PUDP: variants seen among roughly 807,000 people sequenced by gnomAD.
PUDP encodes the protein pseudouridine-5'-phosphatase.
Under a neutral mutation model 9.4 loss-of-function variants are expected in PUDP, and 8 were observed. The ratio of observed to expected loss-of-function variants is 0.85; its 90% CI spans 0.50 to 1.53. The LOEUF is 1.53. Ranked by LOEUF, PUDP falls within the 40% of genes most tolerant of loss-of-function variation. The pLI is 0.00. For missense variants in PUDP, 188 were observed against 189.7 expected (o/e 0.99, Z 0.05); for synonymous variants, 99 against 80.7 (o/e 1.23, Z -1.22).
intron 3 of PUDP, among the ~76,000 whole-genome samples, chrX:6,857,064 C>T (rs1249947637): frequency 8.9e-6 from 1 of 112,346 alleles, no homozygotes; most frequent in Non-Finnish European, 1.9e-5. Flanking sequence ...TGTTCCATAC[C>T]GATGTGTTTA....
At chrX:7,136,696 A>ACCC (rs60135390) in intron 1 of PUDP, among the ~76,000 whole-genome samples, 2 of 72,184 alleles carry the variant, frequency 2.8e-5, no homozygotes, top group African/African-American at 1.1e-4. Context: ...TGCCAGTGGG[A>ACCC]CCCCCCCCCC....
intron 3 of PUDP, among the ~76,000 whole-genome samples, chrX:6,788,164 C>G (rs1004680398): frequency 8.9e-6 from 1 of 111,972 alleles, no homozygotes; most frequent in Non-Finnish European, 1.9e-5. Flanking sequence ...ATACCTTGAG[C>G]ACCCACGCGA....
chrX:6,951,914 GAAGA>G (rs1928564879), intron 3 of PUDP, among the ~76,000 whole-genome samples: 1 of 112,175 alleles, frequency 8.9e-6, no homozygotes, highest in Non-Finnish European at 1.9e-5. Flanking sequence ...TCTTAGAGGA[GAAGA>G]AAGAGTTTGC....
At chrX:6,767,504 T>C (rs1279901961) in intron 3 of PUDP, among the ~76,000 whole-genome samples, 2 of 112,603 alleles carry the variant, frequency 1.8e-5, no homozygotes, top group East Asian at 5.6e-4. Flanking sequence ...TTAATGGTCT[T>C]ACCTTGCTCT....
chrX:6,708,897 A>G (rs779698109), intron 1 of PUDP, among the ~76,000 whole-genome samples: 10 of 111,828 alleles, frequency 8.9e-5, no homozygotes, highest in Admixed American at 5.7e-4. Flanking sequence ...GTAGTGACTA[A>G]TCTACTCAGT....
intron 3 of PUDP, among the ~76,000 whole-genome samples, chrX:6,880,221 T>A (rs1258115085): frequency 7.2e-5 from 8 of 110,555 alleles, no homozygotes; most frequent in African/African-American, 2.6e-4. Context: ...GTGTACACTG[T>A]ATCCAATGTG....
At chrX:6,886,416 C>T (rs1927423362) in intron 3 of PUDP, among the ~76,000 whole-genome samples, 1 of 111,950 alleles carries the variant, frequency 8.9e-6, no homozygotes, top group Non-Finnish European at 1.9e-5. Flanking sequence ...AGGAAATTTT[C>T]CAAAGCATCA....
intron 3 of PUDP, among the ~76,000 whole-genome samples, chrX:6,968,041 T>C (rs1266517901): frequency 8.9e-6 from 1 of 112,570 alleles, no homozygotes; most frequent in African/African-American, 3.2e-5. Flanking sequence ...CTACATGCTG[T>C]CCATGCTTTG....
intron 3 of PUDP, among the ~76,000 whole-genome samples, chrX:6,738,128 C>T (rs1319534069): frequency 1.8e-5 from 2 of 111,482 alleles, no homozygotes; most frequent in Non-Finnish European, 3.8e-5. Context: ...TGATGCAACT[C>T]TTGGTTTCTC....
chrX:6,789,289 C>CTAAATAAATAAA (rs63378260), intron 3 of PUDP, among the ~76,000 whole-genome samples: 3 of 95,174 alleles, frequency 3.2e-5, no homozygotes, highest in Non-Finnish European at 4.2e-5. Context: ...GACTCTGTCT[C>CTAAATAAATAAA]TAAATAAATA....
intron 3 of PUDP, among the ~76,000 whole-genome samples, chrX:6,800,098 G>A (rs1164496586): frequency 1.8e-5 from 2 of 111,632 alleles, no homozygotes; most frequent in Non-Finnish European, 3.8e-5. Flanking sequence ...TGATAAATTC[G>A]AATACAATAG....
intron 3 of PUDP, among the ~76,000 whole-genome samples, chrX:6,818,023 C>T (rs781453518): frequency 7.1e-5 from 8 of 111,919 alleles, no homozygotes; most frequent in Non-Finnish European, 1.3e-4. Flanking sequence ...TTCCACCCTC[C>T]AACTACTTTC....
chrX:6,885,357 C>T lies in PUDP; in HGVS notation c.*247+91776G>A, dbSNP rs151324377. On this transcript the variant is annotated intron_variant and NMD_transcript_variant, in intron 3 of 3. Coordinates refer to the PUDP transcript ENST00000655425. The stretch of plus-strand genomic sequence containing the variant: ...TGAGACAGAAGAAGATTAAAACTTT[C>T]GCCTCTGGTGGTGGAGTTTTGGATC... Among the ~76,000 whole-genome samples the T allele has an allele frequency of 8.8e-3, 986 of 111,916 alleles. 9 individuals carry two copies. Among genetic ancestry groups the T allele is most frequent in the African/African-American group, 0.03 (939 of 30,858 alleles).
chrX:6,869,204 A>G (rs763730167), intron 3 of PUDP, among the ~76,000 whole-genome samples: 4 of 112,106 alleles, frequency 3.6e-5, no homozygotes, highest in Middle Eastern at 9.2e-3. Flanking sequence ...CTACTGCTGC[A>G]TACCAAACCA....
intron 3 of PUDP, among the ~76,000 whole-genome samples, chrX:6,854,241 G>C (rs945436158): frequency 9.0e-6 from 1 of 111,209 alleles, no homozygotes; most frequent in Non-Finnish European, 1.9e-5. Flanking sequence ...CTGACTCATA[G>C]ACTACTTTTT....
intron 3 of PUDP, among the ~76,000 whole-genome samples, chrX:6,728,210 A>G (rs953929551): frequency 9.0e-6 from 1 of 110,890 alleles, no homozygotes; most frequent in African/African-American, 3.3e-5. Flanking sequence ...CAAGAACAAC[A>G]TGGAGGAAAC....
chrX:6,881,717 A>T (rs996115536), intron 3 of PUDP, among the ~76,000 whole-genome samples: 4 of 111,030 alleles, frequency 3.6e-5, no homozygotes, highest in African/African-American at 1.3e-4. Flanking sequence ...TAAGTATATT[A>T]ATCCTCACAA....
intron 3 of PUDP, among the ~76,000 whole-genome samples, chrX:6,911,345 C>T: frequency 1.8e-5 from 2 of 109,838 alleles, no homozygotes; most frequent in South Asian, 7.9e-4. Context: ...AGGCACATAC[C>T]ACCACACCTG....
intron 1 of PUDP, among the ~76,000 whole-genome samples, chrX:7,008,501 C>T (rs1295484130): frequency 9.0e-6 from 1 of 110,651 alleles, no homozygotes; most frequent in Non-Finnish European, 1.9e-5. Context: ...TCTCTATAGC[C>T]CAGGTCACTG....
Sources: gnomAD v4.1 joint callset for allele counts (sites outside exome capture counted in the v4.1 genomes callset) on GRCh38, gnomAD v4.1.1 for gene constraint, MANE v1.5 for transcripts, NCBI Gene and HGNC (gene_info 2026-07-23, HGNC 2026-07-21) for gene names.